ADD3: variants seen among roughly 807,000 people sequenced by gnomAD.
ADD3 encodes the protein adducin 3.
Under a neutral mutation model 80.2 loss-of-function variants are expected in ADD3, and 25 were observed. The ratio of observed to expected loss-of-function variants is 0.31; its 90% CI spans 0.23 to 0.44. The LOEUF (loss-of-function observed/expected upper bound fraction) is 0.44. Among genes scored for constraint, ADD3 ranks in the 20% least tolerant of loss-of-function variants. The pLI is 1.00. For synonymous variants in ADD3, 284 were observed against 289.6 expected, an observed-to-expected ratio of 0.98 and a Z score of 0.20; for missense variants, 829 against 847.5, an observed-to-expected ratio of 0.98 and a Z score of 0.27.
rs1356070787 is a variant in ADD3 at position 110,097,346 on chromosome 10, G to C, written c.-29-3279G>C. 5.9e-5 allele frequency among the ~76,000 whole-genome samples: 9 copies of C among 152,138 alleles called. No homozygotes were observed. The East Asian group carries it at 1.3e-3, about 23-fold the overall frequency. ...AGAACATGGTATACTATAAAATTCA[G>C]GAGGGCCCTGAAAATTGTGGTATTA... On this transcript the variant is annotated intron_variant, in intron 1 of 14. Coordinates refer to ENST00000356080, the MANE Select transcript of ADD3 (RefSeq NM_016824.5).
At position 109,999,982 on chromosome 10, in the gene ADD3, C is replaced by T. The variant is rs566048469; in HGVS notation, n.79+3536C>T. ...ACACCCAGGCTGGAATACAATGGTG[C>T]GATCTCGGCTCACTGCAACCTCTGC... On this transcript the variant is annotated intron_variant and non_coding_transcript_variant, in intron 1 of 5. Transcript: ENST00000468251. 4.1e-5 allele frequency among the ~76,000 whole-genome samples: 6 copies of T among 146,912 alleles called. No homozygotes were observed. The South Asian group carries it at 6.4e-4, about 16-fold the overall frequency.
At chr10:110,004,037 T>C (rs1304217126), upstream of ADD3, among the ~76,000 whole-genome samples, 1 of 151,960 alleles carries the variant, frequency 6.6e-6, no homozygotes, top group African/African-American at 2.4e-5. Context: ...TGGGAAGAGG[T>C]AAAGAAATGC....
At chr10:110,099,680 A>T (rs1848584259) in intron 1 of ADD3, among the ~76,000 whole-genome samples, 1 of 152,204 alleles carries the variant, frequency 6.6e-6, no homozygotes, top group South Asian at 2.1e-4. Flanking sequence ...CTTGAACCTA[A>T]TGTTTTTTAA....
At chr10:110,123,067 G>T (rs746312898) in intron 9 of ADD3, among the ~76,000 whole-genome samples, 4 of 152,156 alleles carry the variant, frequency 2.6e-5, no homozygotes, top group Non-Finnish European at 5.9e-5. Flanking sequence ...CTTTTTTAAA[G>T]CTGAATAGTA....
intron 9 of ADD3, 92 bp from the exon 10 acceptor site, chr10:110,123,925 T>G: frequency 2.3e-6 from 3 of 1,327,368 alleles, no homozygotes; most frequent in African/African-American, 2.9e-5. Context: ...CAAAGGAGTC[T>G]TTTAAATCAT....
At chr10:110,126,309 ACT>A (rs781722058) in intron 11 of ADD3, 106 bp from the exon 12 acceptor site, 9 of 789,730 alleles carry the variant, frequency 1.1e-5, no homozygotes, top group Non-Finnish European at 1.9e-5. Context: ...AATTGAAGAG[ACT>A]CTCACTCTGG....
rs1211405668 is a variant in ADD3 at position 110,120,218 on chromosome 10, T to TC, written c.960+660dup. On this transcript the variant is annotated intron_variant, in intron 8 of 14. Coordinates refer to ENST00000356080, the MANE Select transcript of ADD3 (RefSeq NM_016824.5). ...TAGGTATATCTCCCAATGCTATCCC[T>TC]CCCCCCTCCCCCCACCCCACCACAG... Among the ~76,000 whole-genome samples, 4 of 76,256 alleles carry TC rather than the reference T, an allele frequency of 5.2e-5. No homozygotes were observed. The East Asian group carries it at 1.8e-3, about 34-fold the overall frequency. The allele number at this position is 76,256 out of a possible 152,430, so 50.0% of individuals were successfully genotyped here. A position where few individuals can be genotyped will look rare whatever the true frequency, so the allele number is the denominator to read the frequency against.
In ADD3 at chr10:110,112,527, A is replaced by G. The variant is rs79707821; in HGVS notation, c.196-250A>G. Among the ~76,000 whole-genome samples, 8 of 152,276 alleles carry G rather than the reference A, an allele frequency of 5.3e-5. No individual in the cohort carries two copies. The East Asian group carries it at 9.6e-4, about 18-fold the overall frequency. ...AGAGGAGTTTTATCTGTGCCTGTCT[A>G]GTGTAGATATTATAATATCTCATTT... is the stretch of plus-strand genomic sequence containing the variant. On this transcript the variant is annotated intron_variant, in intron 2 of 14. Coordinates refer to ENST00000356080, the MANE Select transcript of ADD3 (RefSeq NM_016824.5).
intron 1 of ADD3, among the ~76,000 whole-genome samples, chr10:110,019,014 G>A (rs117032395): frequency 5.3e-5 from 8 of 152,248 alleles, no homozygotes; most frequent in East Asian, 1.9e-4. Flanking sequence ...CATTCCCAGC[G>A]CTGGACAAGG....
intron 2 of ADD3, among the ~76,000 whole-genome samples, chr10:110,108,851 G>A (rs948182746): frequency 4.6e-5 from 7 of 152,068 alleles, no homozygotes; most frequent in Admixed American, 1.3e-4. Context: ...ACAAGGCTGG[G>A]GGGATTTCAT....
At chr10:110,061,872 A>C (rs1235022500) in intron 1 of ADD3, among the ~76,000 whole-genome samples, 2 of 152,164 alleles carry the variant, frequency 1.3e-5, no homozygotes, top group Non-Finnish European at 1.5e-5. Context: ...AGTTAAAATC[A>C]GAGCTAGAAC....
At chr10:110,067,071 T>C (rs546101671) in intron 1 of ADD3, among the ~76,000 whole-genome samples, 2 of 152,356 alleles carry the variant, frequency 1.3e-5, no homozygotes, top group South Asian at 2.1e-4. Flanking sequence ...TTTTGTATTA[T>C]GGTGAAAGCA....
chr10:110,134,099 C>G lies in ADD3; in HGVS notation c.*481C>G, dbSNP rs1157662492. The G allele has an allele frequency of 6.6e-6, 1 of 152,516 alleles. No homozygotes were observed. The highest frequency in any genetic ancestry group is 1.5e-5 in the Non-Finnish European group (1 of 68,038). 9.4% of individuals were successfully genotyped at this position (152,516 alleles called of 1,614,324 possible). A position where few individuals can be genotyped will look rare whatever the true frequency, so the allele number is the denominator to read the frequency against. On this transcript the variant is annotated 3_prime_UTR_variant, in exon 15 of 15. Coordinates refer to ENST00000356080, the MANE Select transcript of ADD3 (RefSeq NM_016824.5). ...AAACTTCTAAGACAAGAATCTATAG[C>G]ATTAGTATACACTGGCACATAATTT...
upstream of ADD3, among the ~76,000 whole-genome samples, chr10:110,005,076 T>A (rs1851575836): frequency 6.6e-6 from 1 of 152,198 alleles, no homozygotes; most frequent in Non-Finnish European, 1.5e-5. Flanking sequence ...ATTTTATTTT[T>A]TTTTGAGATG....
chr10:110,036,884 C>A (rs896232307), intron 1 of ADD3, among the ~76,000 whole-genome samples: 6 of 152,228 alleles, frequency 3.9e-5, no homozygotes, highest in Non-Finnish European at 8.8e-5. Context: ...GGAGAAAGAT[C>A]TTTTGCATAT....
intron 12 of ADD3, 44 bp downstream of exon 12, chr10:110,126,547 A>G: frequency 7.7e-7 from 1 of 1,293,862 alleles, no homozygotes; most frequent in Non-Finnish European, 1.1e-6. Context: ...TATTTACCAC[A>G]TTAATTTCAT....
intron 1 of ADD3, among the ~76,000 whole-genome samples, chr10:110,010,224 G>C (rs1025565218): frequency 2.0e-5 from 3 of 152,122 alleles, no homozygotes; most frequent in African/African-American, 7.2e-5. Context: ...AACTTCTGAG[G>C]TTTTGAGGCT....
At chr10:110,014,888 T>G (rs1852761234) in intron 1 of ADD3, among the ~76,000 whole-genome samples, 1 of 152,102 alleles carries the variant, frequency 6.6e-6, no homozygotes, top group Non-Finnish European at 1.5e-5. Context: ...TAGAATTTTT[T>G]TTTTGAGACG....
At chr10:110,111,933 A>AT (rs1395972112) in intron 2 of ADD3, among the ~76,000 whole-genome samples, 1 of 152,022 alleles carries the variant, frequency 6.6e-6, no homozygotes, top group Non-Finnish European at 1.5e-5. Context: ...AGAAAAAAAA[A>AT]TTGTCATTTA....
Sources: gnomAD v4.1 joint callset for allele counts (sites outside exome capture counted in the v4.1 genomes callset) on GRCh38, gnomAD v4.1.1 for gene constraint, MANE v1.5 for transcripts, NCBI Gene and HGNC (gene_info 2026-07-23, HGNC 2026-07-21) for gene names.